The following SHQ1 variants were observed in gnomAD, a reference collection of about 807,000 sequenced individuals.
SHQ1 encodes the protein SHQ1, H/ACA ribonucleoprotein assembly factor.
In SHQ1, 49 loss-of-function variants were observed where a neutral mutation model predicts 53.8. That is an observed-to-expected ratio of 0.91 (90% CI 0.72 to 1.16). The LOEUF (loss-of-function observed/expected upper bound fraction) is 1.16. Ranked by LOEUF, SHQ1 falls within the 50% of genes most tolerant of loss-of-function variation. The pLI, the probability that SHQ1 is intolerant of heterozygous loss-of-function variation, is 0.00. For missense variants in SHQ1, 738 were observed against 683.1 expected (o/e 1.08, Z -0.90); for synonymous variants, 243 against 251.0 (o/e 0.97, Z 0.30).
At chr3:72,760,989 C>A (rs998597767) in intron 10 of SHQ1, among the ~76,000 whole-genome samples, 1 of 152,062 alleles carries the variant, frequency 6.6e-6, no homozygotes, top group Non-Finnish European at 1.5e-5. Flanking sequence ...TCGATAAAAG[C>A]TCTCAAGACG....
At chr3:72,785,585 T>C (rs1028781802) in intron 10 of SHQ1, among the ~76,000 whole-genome samples, 2 of 152,192 alleles carry the variant, frequency 1.3e-5, no homozygotes, top group Non-Finnish European at 2.9e-5. Context: ...CAGTAGACCC[T>C]CTTGTTCAAC....
chr3:72,801,297 T>G (rs1706777956), intron 9 of SHQ1, among the ~76,000 whole-genome samples: 1 of 152,220 alleles, frequency 6.6e-6, no homozygotes, highest in South Asian at 2.1e-4. Context: ...GGTAAAATTT[T>G]TATTCAATTT....
At chr3:72,753,841 G>A (rs1705441953) in intron 10 of SHQ1, among the ~76,000 whole-genome samples, 2 of 152,146 alleles carry the variant, frequency 1.3e-5, no homozygotes, top group Admixed American at 1.3e-4. Flanking sequence ...TGTAGATAAT[G>A]TCCACCATAT....
At chr3:72,738,856 G>GC in the SHQ1 span, among the ~76,000 whole-genome samples, 7 of 152,168 alleles carry the variant, frequency 4.6e-5, no homozygotes, top group Middle Eastern at 6.8e-3. Flanking sequence ...CCTGGGCCCC[G>GC]CCCCGCCCGG....
chr3:72,726,339 G>T, the SHQ1 span, among the ~76,000 whole-genome samples: 9 of 152,108 alleles, frequency 5.9e-5, no homozygotes, highest in African/African-American at 2.2e-4. Flanking sequence ...TATCTCTCAT[G>T]CTTACGTTAG....
At chr3:72,811,541 C>A (rs772796043) in intron 9 of SHQ1, among the ~76,000 whole-genome samples, 8 of 152,282 alleles carry the variant, frequency 5.3e-5, no homozygotes, top group Non-Finnish European at 8.8e-5. Context: ...AATCAACAAT[C>A]CTTCAAAATA....
chr3:72,832,467 A>T lies in SHQ1; in HGVS notation c.501T>A (p.Asp167Glu). 1 of 1,610,664 alleles carries T rather than the reference A, an allele frequency of 6.2e-7. No homozygotes were observed. Reference sequence around the variant, plus strand: ...AATCTGGATCCTTAATATCAATAACATCACTCAGTTCATCCTGAGGACACC... The same window carrying T: ...AATCTGGATCCTTAATATCAATAACTTCACTCAGTTCATCCTGAGGACACC... ...VLQRLQDELS[D>E]VIDIKDPDFT... The change falls in exon 5 of 11, where the codon GAT (aspartate) becomes GAA (glutamate). Residue 167 changes from aspartate (D) to glutamate (E), a missense_variant. Coordinates refer to ENST00000325599, the MANE Select transcript of SHQ1 (RefSeq NM_018130.3).
chr3:72,773,117 A>G, intron 10 of SHQ1: 1 of 769,892 alleles, frequency 1.3e-6, no homozygotes, highest in South Asian at 1.4e-5. Context: ...CGTGAAATTG[A>G]GCTCAAAGTC....
chr3:72,783,971 A>G (rs548928868), intron 10 of SHQ1, among the ~76,000 whole-genome samples: 1 of 152,278 alleles, frequency 6.6e-6, no homozygotes, highest in African/African-American at 2.4e-5. Context: ...AATCTAAATA[A>G]ACTTTAGTTA....
In SHQ1 at chr3:72,824,448, C is replaced by A; in HGVS notation, c.703G>T (p.Glu235Ter). The A allele has an allele frequency of 6.2e-7, 1 of 1,611,658 alleles. No individual in the cohort carries two copies. The highest frequency in any genetic ancestry group is 8.5e-7 in the Non-Finnish European group (1 of 1,179,504). Residue 235 changes from glutamate to a stop codon, truncating the protein, a stop_gained, in exon 6 of 11, where the codon GAA (glutamate) becomes TAA (stop). Coordinates refer to ENST00000325599, the MANE Select transcript of SHQ1 (RefSeq NM_018130.3). LOFTEE classifies it high-confidence loss of function. Reference protein sequence around the residue: ...KMMAFLEKSQEQENHATLVSF... With the variant: ...KMMAFLEKSQ ...CCTAATGTAGCATGATTTTCTTGTT[C>A]CTGACTCTTTTCCAAAAAGGCCATC...
chr3:72,815,407 T>TAC lies in SHQ1; in HGVS notation c.883-5_883-4insGT. 6.2e-7 allele frequency: 1 copy of TAC among 1,612,400 alleles called. No homozygotes were observed. ...TGATATTCCATGCAGATTCAACCTTTATTTGTTTTGGAGAAAAGAATACCA... is the reference window on the plus strand; with the variant it reads ...TGATATTCCATGCAGATTCAACCTTTACATTTGTTTTGGAGAAAAGAATACCA... On this transcript the variant is annotated splice_polypyrimidine_tract_variant and splice_region_variant and intron_variant, in intron 7 of 10. Transcript: ENST00000325599.
chr3:72,783,916 G>A (rs931339625), intron 10 of SHQ1, among the ~76,000 whole-genome samples: 4 of 151,990 alleles, frequency 2.6e-5, no homozygotes, highest in East Asian at 1.9e-4. Context: ...AAAACAAAAT[G>A]TGGTCTCATA....
At position 72,812,737 on chromosome 3, in the gene SHQ1, G is replaced by A; in HGVS notation, c.994C>T (p.Pro332Ser). ...ACCAGCTTGAAATGGCGATAGAGTG[G>A]GTAACACAACACCCTTCTTCCAAAA... ...VSFGRRVLCY[P>S]LYRHFKLVMK... Residue 332 changes from proline to serine, a missense_variant, in exon 9 of 11, where the codon CCA (proline) becomes TCA (serine). Transcript: ENST00000325599. 6.2e-7 allele frequency: 1 copy of A among 1,613,954 alleles called. No individual in the cohort carries two copies. The highest frequency in any genetic ancestry group is 8.5e-7 in the Non-Finnish European group (1 of 1,179,960).
chr3:72,813,302 A>G (rs1210233747), intron 8 of SHQ1, among the ~76,000 whole-genome samples: 1 of 151,958 alleles, frequency 6.6e-6, no homozygotes, highest in Non-Finnish European at 1.5e-5. Context: ...CCCCGTCTCT[A>G]CTAAAAATAC....
At chr3:72,809,442 A>G (rs1707051625) in intron 9 of SHQ1, among the ~76,000 whole-genome samples, 1 of 152,068 alleles carries the variant, frequency 6.6e-6, no homozygotes, top group South Asian at 2.1e-4. Flanking sequence ...ATCCAAGAAG[A>G]AGGAAAAAAA....
chr3:72,796,209 C>T (rs1041419998), intron 9 of SHQ1, among the ~76,000 whole-genome samples: 64 of 150,718 alleles, frequency 4.2e-4, no homozygotes, highest in African/African-American at 1.5e-3. Flanking sequence ...GGAGAATAAG[C>T]AGATGAGTTT....
intron 5 of SHQ1, among the ~76,000 whole-genome samples, chr3:72,826,687 C>T (rs915040974): frequency 3.3e-5 from 5 of 152,110 alleles, no homozygotes; most frequent in Admixed American, 6.5e-5. Context: ...AATACCTAAA[C>T]CAATGGTTGA....
intron 10 of SHQ1, among the ~76,000 whole-genome samples, chr3:72,775,672 C>T (rs970482367): frequency 6.6e-6 from 1 of 152,050 alleles, no homozygotes; most frequent in Non-Finnish European, 1.5e-5. Context: ...AAGCCAAATC[C>T]AGCATCATGT....
At chr3:72,725,800 A>G in the SHQ1 span, among the ~76,000 whole-genome samples, 1 of 152,156 alleles carries the variant, frequency 6.6e-6, no homozygotes, top group African/African-American at 2.4e-5. Flanking sequence ...TGAGTTCCTC[A>G]GTATTTGTTT....
Sources: gnomAD v4.1 joint callset for allele counts (sites outside exome capture counted in the v4.1 genomes callset) on GRCh38, gnomAD v4.1.1 for gene constraint, MANE v1.5 for transcripts, NCBI Gene and HGNC (gene_info 2026-07-23, HGNC 2026-07-21) for gene names.